TYR: variants seen among roughly 807,000 people sequenced by gnomAD.
TYR encodes the protein LB24-AB.
A neutral mutation model predicts 51.5 loss-of-function variants in TYR; 58 were observed. That is an observed-to-expected ratio of 1.13 (90% confidence interval 0.91 to 1.40). The LOEUF is 1.40. Ranked by LOEUF, TYR falls within the 40% of genes most tolerant of loss-of-function variation. The pLI, the probability that TYR is intolerant of heterozygous loss-of-function variation, is 0.00. For synonymous variants in TYR, 263 were observed against 235.2 expected (o/e 1.12, Z -1.08); for missense variants, 732 against 647.4 (o/e 1.13, Z -1.42).
intron 1 of TYR, among the ~76,000 whole-genome samples, chr11:89,179,761 T>C (rs1202219704): frequency 1.3e-5 from 2 of 152,238 alleles, no homozygotes; most frequent in African/African-American, 2.4e-5. Flanking sequence ...GGAATTGAAT[T>C]CCTATTTCAT....
chr11:89,258,577 T>C (rs1012203584), intron 3 of TYR, among the ~76,000 whole-genome samples: 1 of 151,718 alleles, frequency 6.6e-6, no homozygotes, highest in African/African-American at 2.4e-5. Flanking sequence ...CTTTTTATAA[T>C]GTGCATCATA....
At chr11:89,210,161 C>T (rs1200330354) in intron 2 of TYR, among the ~76,000 whole-genome samples, 2 of 152,152 alleles carry the variant, frequency 1.3e-5, no homozygotes, top group African/African-American at 4.8e-5. Flanking sequence ...TGGGTAATAA[C>T]AAACATCTCC....
chr11:89,250,278 A>ATTAT (rs1944315475), intron 3 of TYR, among the ~76,000 whole-genome samples: 1 of 151,972 alleles, frequency 6.6e-6, no homozygotes, highest in African/African-American at 2.4e-5. Context: ...TTTAATCCTT[A>ATTAT]AAAATGAATA....
In TYR at chr11:89,191,958, T is replaced by C. The variant is rs371475566; in HGVS notation, c.1036+540T>C. ...GAATTTCAGATATAAGTCTGTGGAC[T>C]GATACTATTTTCCTACGTTTTAGTG... On this transcript the variant is annotated intron_variant, in intron 2 of 4. Coordinates refer to ENST00000263321, the MANE Select transcript of TYR (RefSeq NM_000372.5). 6.9e-4 allele frequency: 296 copies of C among 427,136 alleles called. 2 individuals are homozygous for C. Among genetic ancestry groups the C allele is most frequent in the Non-Finnish European group, 9.3e-4 (201 of 216,556 alleles). 26.5% of individuals were successfully genotyped at this position (427,136 alleles called of 1,614,324 possible).
At chr11:89,289,074 A>G (rs912953304) in intron 4 of TYR, among the ~76,000 whole-genome samples, 7 of 152,042 alleles carry the variant, frequency 4.6e-5, no homozygotes, top group African/African-American at 1.7e-4. Context: ...TGATTTTCTC[A>G]TATGTATAAC....
chr11:89,209,468 G>A (rs1943721150), intron 2 of TYR, among the ~76,000 whole-genome samples: 1 of 152,212 alleles, frequency 6.6e-6, no homozygotes, highest in Non-Finnish European at 1.5e-5. Context: ...ACTAGAACTG[G>A]GTGGAGCCCA....
intron 3 of TYR, among the ~76,000 whole-genome samples, chr11:89,258,654 G>A (rs1944422969): frequency 6.6e-6 from 1 of 152,056 alleles, no homozygotes; most frequent in Non-Finnish European, 1.5e-5. Context: ...CAGATATTGG[G>A]TGAATTTAAG....
At chr11:89,239,852 A>G (rs192608870) in intron 3 of TYR, among the ~76,000 whole-genome samples, 29 of 152,214 alleles carry the variant, frequency 1.9e-4, no homozygotes, top group Non-Finnish European at 3.5e-4. Context: ...ATTTTTTGAA[A>G]TTCTTTCTAT....
chr11:89,192,128 A>G, intron 2 of TYR: 1 of 310,792 alleles, frequency 3.2e-6, no homozygotes, highest in Non-Finnish European at 6.3e-6. Flanking sequence ...CAGAGATTAC[A>G]TCTCATGATC....
At chr11:89,257,346 G>A (rs1944405483) in intron 3 of TYR, among the ~76,000 whole-genome samples, 1 of 151,758 alleles carries the variant, frequency 6.6e-6, no homozygotes, top group South Asian at 2.1e-4. Flanking sequence ...ACAAACTTAA[G>A]GTATTTTTTT....
At chr11:89,283,630 A>G (rs1382009893) in intron 3 of TYR, 1 of 151,778 alleles carries the variant, frequency 6.6e-6, no homozygotes, top group African/African-American at 2.4e-5. Flanking sequence ...CAGCCAGATG[A>G]AAACACAGAG....
intron 4 of TYR, among the ~76,000 whole-genome samples, chr11:89,287,728 T>C (rs1309516200): frequency 6.6e-6 from 1 of 151,912 alleles, no homozygotes; most frequent in Non-Finnish European, 1.5e-5. Context: ...ATAATCAAAT[T>C]TGAATTTTCA....
chr11:89,260,075 A>G (rs1322674568), intron 3 of TYR, among the ~76,000 whole-genome samples: 3 of 152,052 alleles, frequency 2.0e-5, no homozygotes, highest in Non-Finnish European at 4.4e-5. Flanking sequence ...GTGGTTAAAA[A>G]GAGATTGTAT....
intron 3 of TYR, among the ~76,000 whole-genome samples, chr11:89,248,140 A>C (rs991688320): frequency 4.6e-5 from 7 of 152,156 alleles, no homozygotes; most frequent in African/African-American, 1.7e-4. Flanking sequence ...TAGCCATCTA[A>C]AGTTACAGCT....
chr11:89,178,016 T>C lies in TYR; in HGVS notation c.63T>C (p.Pro21=), dbSNP rs1943246094. ...WSFQTSAGHF[P]RACVSSKNLM... The stretch of plus-strand genomic sequence containing the variant: ...TCCAGACCTCCGCTGGCCATTTCCC[T>C]AGAGCCTGTGTCTCCTCTAAGAACC... Residue 21 remains proline, a synonymous_variant, in exon 1 of 5, where the codon CCT becomes CCC. Coordinates refer to ENST00000263321, the MANE Select transcript of TYR (RefSeq NM_000372.5). The C allele has an allele frequency of 1.2e-6, 2 of 1,614,074 alleles. No homozygotes were observed. The highest frequency in any genetic ancestry group is 1.7e-6 in the Non-Finnish European group (2 of 1,180,030).
At chr11:89,254,455 C>A (rs1429764454) in intron 3 of TYR, among the ~76,000 whole-genome samples, 4 of 151,448 alleles carry the variant, frequency 2.6e-5, no homozygotes, top group Non-Finnish European at 4.4e-5. Context: ...TGGTCCAGGA[C>A]CTTTTTTGTT....
At chr11:89,266,038 G>A (rs1944522993) in intron 3 of TYR, among the ~76,000 whole-genome samples, 1 of 151,926 alleles carries the variant, frequency 6.6e-6, no homozygotes, top group African/African-American at 2.4e-5. Flanking sequence ...TTTAGCATTT[G>A]ATCGATCTTT....
At chr11:89,256,053 T>G (rs1364685426) in intron 3 of TYR, among the ~76,000 whole-genome samples, 1 of 151,754 alleles carries the variant, frequency 6.6e-6, no homozygotes. Flanking sequence ...ATTTTACATA[T>G]GGTTTGTTAT....
At position 89,180,820 on chromosome 11, in the gene TYR, T is replaced by C. The variant is rs535169246; in HGVS notation, c.819+2048T>C. On this transcript the variant is annotated intron_variant, in intron 1 of 4. Coordinates refer to ENST00000263321, the MANE Select transcript of TYR (RefSeq NM_000372.5). ...AGGTGACAGTCAAACCCCACTCACA[T>C]TGGCTGTTTCCATTCCTTCACACAG... 4.6e-5 allele frequency among the ~76,000 whole-genome samples: 7 copies of C among 152,292 alleles called. No individual in the cohort carries two copies. In the East Asian group the frequency reaches 7.7e-4, roughly 17 times the overall value.
Sources: allele counts gnomAD v4.1 joint callset (sites outside exome capture counted in the v4.1 genomes callset), GRCh38; gene constraint gnomAD v4.1.1; transcripts MANE v1.5; gene names NCBI Gene and HGNC (gene_info 2026-07-23, HGNC 2026-07-21).